TTC12: variants seen among roughly 807,000 people sequenced by gnomAD.
TTC12 encodes tetratricopeptide repeat protein 12.
In TTC12, 70 loss-of-function variants were observed where a neutral mutation model predicts 90.1. The ratio of observed to expected loss-of-function variants is 0.78; its 90% confidence interval spans 0.64 to 0.95. The LOEUF is 0.95. TTC12 is among the 40% of genes least tolerant of loss of function. The probability of loss-of-function intolerance (pLI) is 0.00; values close to 1 mark genes in which losing one functional copy is unlikely to be tolerated. For missense variants in TTC12, 819 were observed against 846.1 expected, an observed-to-expected ratio of 0.97 and a Z score of 0.40; for synonymous variants, 296 against 311.5, an observed-to-expected ratio of 0.95 and a Z score of 0.53.
chr11:113,349,981 G>A lies in TTC12; in HGVS notation c.1155-92G>A, dbSNP rs1591596082. The A allele has an allele frequency of 6.0e-6, 6 of 997,976 alleles. No individual in the cohort carries two copies. In the East Asian group the frequency reaches 1.4e-4, roughly 24 times the overall value. 61.8% of individuals were successfully genotyped at this position (997,976 alleles called of 1,614,324 possible). ...TTTCTGCTTATTTCACCCGGATGCT[G>A]ACTCCTTTTTTGGTTTCCTTGCAAG... is the stretch of plus-strand genomic sequence containing the variant. On this transcript the variant is annotated intron_variant, in intron 13 of 21. Coordinates refer to ENST00000529221, the MANE Select transcript of TTC12 (RefSeq NM_017868.4).
At chr11:113,371,676 A>G (rs754807363) in intron 21 of TTC12, 5 of 152,184 alleles carry the variant, frequency 3.3e-5, no homozygotes, top group African/African-American at 4.8e-5. Flanking sequence ...AGGGACTCCA[A>G]CAAGACCCGG....
intron 12 of TTC12, among the ~76,000 whole-genome samples, chr11:113,343,415 G>A (rs1948785585): frequency 1.3e-5 from 2 of 152,218 alleles, no homozygotes; most frequent in Non-Finnish European, 2.9e-5. Flanking sequence ...GTGAAGTATA[G>A]GATTGAGATG....
At chr11:113,372,737 A>G (rs1311286160) in intron 21 of TTC12, among the ~76,000 whole-genome samples, 1 of 152,080 alleles carries the variant, frequency 6.6e-6, no homozygotes, top group Non-Finnish European at 1.5e-5. Context: ...AAACCATCCA[A>G]CGTAATCTGA....
chr11:113,355,032 G>A lies in TTC12; in HGVS notation c.1446+2825G>A, dbSNP rs144375429. ...TTTTGGAATAGTTTTAGCAGGAATAGTACCACTTCTTCTTTGTACATCTGG... is the reference window on the plus strand; with the variant it reads ...TTTTGGAATAGTTTTAGCAGGAATAATACCACTTCTTCTTTGTACATCTGG... On this transcript the variant is annotated intron_variant, in intron 16 of 21. Coordinates refer to ENST00000529221, the MANE Select transcript of TTC12 (RefSeq NM_017868.4). 3.8e-4 allele frequency among the ~76,000 whole-genome samples: 58 copies of A among 152,320 alleles called. No individual in the cohort carries two copies. In the East Asian group the frequency reaches 0.011, roughly 28 times the overall value.
rs1386720592 is a variant in TTC12 at position 113,362,637 on chromosome 11, A to T, written c.1716+135A>T. On this transcript the variant is annotated intron_variant, in intron 19 of 21. Transcript: ENST00000529221. Reference sequence around the variant, plus strand: ...CCTTGCTAGATTTTAAACTTCTTGGATAGGGATTTGCTTCTGCCTGTCTAC... The same window carrying T: ...CCTTGCTAGATTTTAAACTTCTTGGTTAGGGATTTGCTTCTGCCTGTCTAC... 6.2e-6 allele frequency: 4 copies of T among 644,078 alleles called. No homozygotes were observed. In the African/African-American group the frequency reaches 7.3e-5, roughly 12 times the overall value. The allele number at this position is 644,078 out of a possible 1,614,324, so 39.9% of individuals were successfully genotyped here.
rs190934545 is a variant in TTC12 at position 113,326,025 on chromosome 11, C to G, written c.444+380C>G. On this transcript the variant is annotated intron_variant, in intron 6 of 21. Transcript: ENST00000529221. Reference sequence around the variant, plus strand: ...TTCTGCTACCAACATATTTCTTCAGCCTCCTTTTTTGGTACTAGTCTTAAC... The same window carrying G: ...TTCTGCTACCAACATATTTCTTCAGGCTCCTTTTTTGGTACTAGTCTTAAC... Among the ~76,000 whole-genome samples, 205 of 152,036 alleles carry G rather than the reference C, an allele frequency of 1.3e-3. 1 individual carries two copies. Among genetic ancestry groups the G allele is most frequent in the African/African-American group, 4.3e-3 (176 of 41,318 alleles).
intron 19 of TTC12, among the ~76,000 whole-genome samples, chr11:113,363,538 A>G (rs1950049081): frequency 6.6e-6 from 1 of 152,200 alleles, no homozygotes. Flanking sequence ...CATCAGCATC[A>G]TTCTCTTCTC....
At chr11:113,337,425 G>C (rs1472394580) in intron 8 of TTC12, among the ~76,000 whole-genome samples, 13 of 152,182 alleles carry the variant, frequency 8.5e-5, no homozygotes, top group African/African-American at 3.1e-4. Context: ...TTTATATAGA[G>C]GGGTAAGAAA....
At position 113,320,424 on chromosome 11, in the gene TTC12, C is replaced by T. The variant is rs118072405; in HGVS notation, c.59-2864C>T. Among the ~76,000 whole-genome samples the T allele has an allele frequency of 3.3e-5, 5 of 152,152 alleles. No homozygotes were observed. The South Asian group carries it at 8.3e-4, about 25-fold the overall frequency. On this transcript the variant is annotated intron_variant, in intron 2 of 21. Coordinates refer to ENST00000529221, the MANE Select transcript of TTC12 (RefSeq NM_017868.4). ...GAAAAGAGGAGGAATGTCTGAACGC[C>T]GAGAGGAGTTTGGCTGGGAGCAGCC...
chr11:113,363,921 G>C lies in TTC12; in HGVS notation c.1810G>C (p.Asp604His). 6.2e-7 allele frequency: 1 copy of C among 1,609,790 alleles called. No individual in the cohort carries two copies. Among genetic ancestry groups the C allele is most frequent in the Non-Finnish European group, 8.5e-7 (1 of 1,176,170 alleles). The change falls in exon 20 of 22, where the codon GAT becomes CAT. Residue 604 changes from aspartate (D) to histidine (H), a missense_variant. Transcript: ENST00000529221. The stretch of plus-strand genomic sequence containing the variant: ...AGCTCGGGAAGAAGTAATAAGACTG[G>C]ATAAAAGTAAGTGATGATTTCCTTA... ...HEAREEVIRLDKKLSVMMKLL... is the reference protein window; with the variant it reads ...HEAREEVIRLHKKLSVMMKLL...
chr11:113,325,824 A>G, intron 6 of TTC12, 179 bp downstream of exon 6: 1 of 713,154 alleles, frequency 1.4e-6, no homozygotes, highest in Non-Finnish European at 2.2e-6. Flanking sequence ...TGATGCAAAT[A>G]TTCTCACCAT....
At chr11:113,325,967 T>C (rs988810621) in intron 6 of TTC12, among the ~76,000 whole-genome samples, 6 of 152,150 alleles carry the variant, frequency 3.9e-5, no homozygotes, top group African/African-American at 1.4e-4. Context: ...AGGAGAAAAC[T>C]AGTGGAATGA....
In TTC12 at chr11:113,339,466, T is replaced by C; in HGVS notation, c.818T>C (p.Ile273Thr). The C allele has an allele frequency of 6.2e-7, 1 of 1,610,808 alleles. No individual in the cohort carries two copies. Among genetic ancestry groups the C allele is most frequent in the South Asian group, 1.1e-5 (1 of 90,954 alleles). Residue 273 changes from isoleucine to threonine, a missense_variant, in exon 10 of 22, where the codon ATA becomes ACA. By Grantham distance (89) the Ile-to-Thr change is moderately conservative. Transcript: ENST00000529221. Reference protein sequence around the residue: ...AGGIEILTEMINECTEQTLFR... With the variant: ...AGGIEILTEMTNECTEQTLFR... ...GGGATTGAGATCCTGACTGAAATGA[T>C]AAATGAGTGTAAGCCAGAGATGTGT...
chr11:113,355,037 ACTT>A (rs1337855406), intron 16 of TTC12, among the ~76,000 whole-genome samples: 4 of 152,154 alleles, frequency 2.6e-5, no homozygotes, highest in African/African-American at 9.7e-5. Flanking sequence ...GAATAGTACC[ACTT>A]CTTCTTTGTA....
chr11:113,321,168 C>T (rs559198001), intron 2 of TTC12, among the ~76,000 whole-genome samples: 3 of 152,184 alleles, frequency 2.0e-5, no homozygotes, highest in Middle Eastern at 3.4e-3. Context: ...TCAAATTCAG[C>T]GAAATGCAAA....
At chr11:113,329,776 A>T (rs976613771) in intron 6 of TTC12, 144 bp from the exon 7 acceptor site, 2 of 740,744 alleles carry the variant, frequency 2.7e-6, no homozygotes, top group Non-Finnish European at 4.9e-6. Flanking sequence ...CAAGTGTGCC[A>T]TCTGTTTCCT....
chr11:113,346,040 G>T (rs1948932383), intron 13 of TTC12, among the ~76,000 whole-genome samples: 1 of 152,114 alleles, frequency 6.6e-6, no homozygotes, highest in Admixed American at 6.5e-5. Flanking sequence ...ATGAAACGAG[G>T]CAGTTTGAAG....
chr11:113,360,410 A>G (rs888872581), intron 18 of TTC12, among the ~76,000 whole-genome samples: 1 of 138,916 alleles, frequency 7.2e-6, no homozygotes, highest in African/African-American at 3.1e-5. Context: ...TTTCCATAAG[A>G]AAAAAAAAAA....
chr11:113,320,477 A>G (rs1052084672), intron 2 of TTC12, among the ~76,000 whole-genome samples: 8 of 152,154 alleles, frequency 5.3e-5, no homozygotes, highest in Non-Finnish European at 1.0e-4. Flanking sequence ...CTGGATGGCC[A>G]GGCTCCAGGG....
Sources: allele counts gnomAD v4.1 joint callset (sites outside exome capture counted in the v4.1 genomes callset), GRCh38; gene constraint gnomAD v4.1.1; transcripts MANE v1.5; gene names NCBI Gene and HGNC (gene_info 2026-07-23, HGNC 2026-07-21).